PROM1: variants seen among roughly 807,000 people sequenced by gnomAD.
The protein encoded by PROM1 is prominin 1, also known as prominin-1.
Under a neutral mutation model 116.9 loss-of-function variants are expected in PROM1, and 105 were observed. The observed-to-expected ratio is 0.90, with a 90% CI of 0.77 to 1.06. The LOEUF (loss-of-function observed/expected upper bound fraction) is 1.06, where lower values mean the gene tolerates loss of function less well. Ranked by LOEUF, PROM1 falls within the 50% of genes least tolerant of loss-of-function variation. The probability of loss-of-function intolerance (pLI) is 0.00; values close to 1 mark genes in which losing one functional copy is unlikely to be tolerated. For missense variants in PROM1, 1,122 were observed against 1,045.2 expected, an observed-to-expected ratio of 1.07 and a Z score of -1.01; for synonymous variants, 393 against 387.0, an observed-to-expected ratio of 1.02 and a Z score of -0.18.
intron 5 of PROM1, among the ~76,000 whole-genome samples, chr4:16,026,283 A>G (rs1347455445): frequency 6.6e-6 from 1 of 152,158 alleles, no homozygotes; most frequent in Non-Finnish European, 1.5e-5. Context: ...AATTTGACCA[A>G]TTGGCCTGTT....
At chr4:16,029,204 A>G (rs1732083085) in intron 5 of PROM1, among the ~76,000 whole-genome samples, 1 of 152,226 alleles carries the variant, frequency 6.6e-6, no homozygotes, top group Non-Finnish European at 1.5e-5. Context: ...GTAGCCTCCC[A>G]TTCAGGAATT....
chr4:15,994,864 C>T (rs1416335940), intron 15 of PROM1, among the ~76,000 whole-genome samples: 1 of 152,150 alleles, frequency 6.6e-6, no homozygotes, highest in African/African-American at 2.4e-5. Context: ...GTGATCCTTC[C>T]CTCCAGAGAA....
rs116835240 is a variant in PROM1 at position 15,975,242 on chromosome 4, C to T, written c.2582+4153G>A. Among the ~76,000 whole-genome samples, 1,450 of 152,244 alleles carry T rather than the reference C, an allele frequency of 9.5e-3. 38 individuals carry two copies. Among genetic ancestry groups the T allele is most frequent in the Admixed American group, 0.058 (892 of 15,280 alleles). ...TCTTATTTTTATTTATTTATTGAGA[C>T]GGAGTCTCACTCTGTCGTCCTGGAT... is the stretch of plus-strand genomic sequence containing the variant. On this transcript the variant is annotated intron_variant, in intron 26 of 27. Transcript: ENST00000447510.
chr4:16,001,224 T>G (rs190875499), intron 13 of PROM1, among the ~76,000 whole-genome samples: 2 of 151,840 alleles, frequency 1.3e-5, no homozygotes. Flanking sequence ...ACACGAGAGG[T>G]AGAGGCAAGG....
chr4:16,081,673 T>C (rs1745075037), intron 1 of PROM1, among the ~76,000 whole-genome samples: 1 of 152,206 alleles, frequency 6.6e-6, no homozygotes. Flanking sequence ...TCTTGACCCT[T>C]AACAAATCTC....
chr4:15,996,767 T>C (rs1248964893), intron 15 of PROM1, among the ~76,000 whole-genome samples: 1 of 152,154 alleles, frequency 6.6e-6, no homozygotes, highest in African/African-American at 2.4e-5. Context: ...ATAATAACGC[T>C]AGGCATAGGG....
At chr4:16,009,687 C>T (rs1441762569) in intron 11 of PROM1, among the ~76,000 whole-genome samples, 1 of 152,032 alleles carries the variant, frequency 6.6e-6, no homozygotes, top group African/African-American at 2.4e-5. Context: ...CACCTGTAAT[C>T]CCAGCACTTT....
intron 1 of PROM1, 184 bp downstream of exon 1, chr4:16,083,794 G>A (rs1355906155): frequency 6.6e-6 from 1 of 152,170 alleles, no homozygotes; most frequent in East Asian, 1.9e-4. Flanking sequence ...GGCTTTCGGA[G>A]AGCCCGCCTC....
chr4:15,994,420 C>T (rs909775287), intron 15 of PROM1, among the ~76,000 whole-genome samples: 3 of 152,186 alleles, frequency 2.0e-5, no homozygotes, highest in Non-Finnish European at 1.5e-5. Context: ...TAGAAAGAGA[C>T]GCACTGCAGA....
intron 5 of PROM1, among the ~76,000 whole-genome samples, chr4:16,031,685 T>C (rs1301519171): frequency 1.3e-5 from 2 of 151,798 alleles, no homozygotes; most frequent in Admixed American, 1.3e-4. Flanking sequence ...AGAGAGAGAT[T>C]GACAGGCAGA....
At chr4:16,039,599 G>C (rs537154841) in intron 2 of PROM1, among the ~76,000 whole-genome samples, 3 of 151,950 alleles carry the variant, frequency 2.0e-5, no homozygotes, top group African/African-American at 7.3e-5. Context: ...TTAGCCAGGC[G>C]TGGTGGCGCA....
intron 8 of PROM1, among the ~76,000 whole-genome samples, chr4:16,019,362 G>A (rs1729236883): frequency 6.6e-6 from 1 of 152,200 alleles, no homozygotes; most frequent in Non-Finnish European, 1.5e-5. Context: ...TATGTGGTAG[G>A]GTACTCTCTT....
intron 11 of PROM1, among the ~76,000 whole-genome samples, chr4:16,012,252 C>T (rs1727065428): frequency 1.3e-5 from 2 of 152,172 alleles, no homozygotes; most frequent in African/African-American, 4.8e-5. Flanking sequence ...CCGCCTTGGC[C>T]TCCCAAAGTG....
chr4:16,075,137 A>G (rs1016819072), intron 2 of PROM1, among the ~76,000 whole-genome samples: 2 of 152,154 alleles, frequency 1.3e-5, no homozygotes, highest in African/African-American at 2.4e-5. Flanking sequence ...GCACTATGGC[A>G]TGACAGTTCT....
rs754515028 is a variant in PROM1, at chr4:16,006,647, CGAT to C, written c.1342_1344del (p.Ile448del). The C allele has an allele frequency of 1.2e-6, 2 of 1,612,722 alleles. No individual in the cohort carries two copies. The highest frequency in any genetic ancestry group is 2.7e-5 in the African/African-American group (2 of 74,884). On this transcript the variant is annotated inframe_deletion, in exon 13 of 28. Coordinates refer to ENST00000447510, the MANE Select transcript of PROM1 (RefSeq NM_006017.3). ...AGTAAGCCCAGGTAGTAAAAAATCA[CGAT>C]GAGGGTCAGCAGAGAGCAGATGACC... is the stretch of plus-strand genomic sequence containing the variant.
chr4:16,065,272 T>C (rs190479656), intron 2 of PROM1, among the ~76,000 whole-genome samples: 21 of 152,284 alleles, frequency 1.4e-4, no homozygotes, highest in Admixed American at 3.9e-4. Context: ...GGAACCAGCC[T>C]CACTGCTCCC....
chr4:16,056,221 G>T lies in PROM1; in HGVS notation c.221-17220C>A, dbSNP rs199598197. ...CAGTCGGCCGCTTGGGTGTAGGCCT[G>T]AGGAAGTGGAGTAACCAGAAAACGC... On this transcript the variant is annotated intron_variant, in intron 2 of 27. Transcript: ENST00000447510. Among the ~76,000 whole-genome samples, 6 of 152,260 alleles carry T rather than the reference G, an allele frequency of 3.9e-5. No homozygotes were observed. The East Asian group carries it at 1.2e-3, about 29-fold the overall frequency.
chr4:16,024,190 C>T, intron 7 of PROM1, 105 bp downstream of exon 7: 2 of 1,013,666 alleles, frequency 2.0e-6, no homozygotes, highest in South Asian at 1.4e-5. Context: ...AATCATCTTT[C>T]TGTCTTCCCC....
intron 1 of PROM1, 179 bp downstream of exon 1, chr4:16,083,799 C>G (rs1049940145): frequency 6.6e-6 from 1 of 152,118 alleles, no homozygotes; most frequent in East Asian, 1.9e-4. Flanking sequence ...TCGGAGAGCC[C>G]GCCTCCCACT....
Sources: gnomAD v4.1 joint callset for allele counts (sites outside exome capture counted in the v4.1 genomes callset) on GRCh38, gnomAD v4.1.1 for gene constraint, MANE v1.5 for transcripts, NCBI Gene and HGNC (gene_info 2026-07-23, HGNC 2026-07-21) for gene names.